The following GABPB2 variants were observed in gnomAD, a reference collection of about 807,000 sequenced individuals.
GABPB2 encodes the protein GA binding protein transcription factor subunit beta 2, also known as GA-binding protein subunit beta-2.
Under a neutral mutation model 39.1 loss-of-function variants are expected in GABPB2, and 23 were observed. The ratio of observed to expected loss-of-function variants is 0.59; its 90% confidence interval spans 0.42 to 0.83. GABPB2 has a LOEUF of 0.83. Ranked by LOEUF, GABPB2 falls within the 40% of genes least tolerant of loss-of-function variation. The probability of loss-of-function intolerance (pLI) is 0.00; values close to 1 mark genes in which losing one functional copy is unlikely to be tolerated. For synonymous variants in GABPB2, 184 were observed against 199.3 expected (o/e 0.92, Z 0.65); for missense variants, 467 against 541.1 (o/e 0.86, Z 1.36).
rs1216693231 is a variant in GABPB2, at chr1:151,124,455, T to C, written c.*6199T>C. 6 of 151,586 alleles carry C rather than the reference T, an allele frequency of 4.0e-5. No homozygotes were observed. The highest frequency in any genetic ancestry group is 3.4e-3 in the Middle Eastern group (1 of 294). 9.4% of individuals were successfully genotyped at this position (151,586 alleles called of 1,614,324 possible). A position where few individuals can be genotyped will look rare whatever the true frequency, so the allele number is the denominator to read the frequency against. ...AGCCACCACGCCCAGCCTCTTTTTT[T>C]TTTTTTTTTTCTCACCAGTATGATG... On this transcript the variant is annotated 3_prime_UTR_variant, in exon 9 of 9. Coordinates refer to ENST00000368918, the MANE Select transcript of GABPB2 (RefSeq NM_144618.3).
At chr1:151,091,421 TG>T (rs199650309) in intron 3 of GABPB2, among the ~76,000 whole-genome samples, 1,961 of 147,696 alleles carry the variant, frequency 0.013, 51 homozygotes, top group African/African-American at 0.047. Context: ...TTTTTTTTTT[TG>T]AGATGAACTC....
intron 4 of GABPB2, among the ~76,000 whole-genome samples, chr1:151,094,160 T>C (rs1678929216): frequency 6.7e-6 from 1 of 149,548 alleles, no homozygotes. Flanking sequence ...TGAGGGATTC[T>C]TCCACCTTAG....
chr1:151,124,898 C>G lies in GABPB2; in HGVS notation c.*6642C>G, dbSNP rs1408430060. ...GGGGGTGAGGTGACATTCCTAGACT[C>G]TACAGTAGCAGTTTGGCATGTTAGT... is the stretch of plus-strand genomic sequence containing the variant. On this transcript the variant is annotated 3_prime_UTR_variant, in exon 9 of 9. Transcript: ENST00000368918. 6.6e-6 allele frequency: 1 copy of G among 152,056 alleles called. No individual in the cohort carries two copies. Among genetic ancestry groups the G allele is most frequent in the Non-Finnish European group, 1.5e-5 (1 of 68,034 alleles). The allele number at this position is 152,056 out of a possible 1,614,324, so 9.4% of individuals were successfully genotyped here.
At chr1:151,104,269 T>A (rs1679763580) in intron 6 of GABPB2, among the ~76,000 whole-genome samples, 1 of 152,198 alleles carries the variant, frequency 6.6e-6, no homozygotes, top group Non-Finnish European at 1.5e-5. Flanking sequence ...TAAGGCTTCA[T>A]ATAGGCAGGG....
Position 151,107,063 on chromosome 1 carries a change from A to G in GABPB2, c.763A>G (p.Asn255Asp), listed in dbSNP as rs200969802. 1.0e-5 allele frequency: 16 copies of G among 1,606,532 alleles called. No individual in the cohort carries two copies. In the African/African-American group the frequency reaches 1.6e-4, roughly 16 times the overall value. Residue 255 changes from asparagine to aspartate, a missense_variant, in exon 7 of 9, where the codon AAT (asparagine) becomes GAT (aspartate). Coordinates refer to ENST00000368918, the MANE Select transcript of GABPB2 (RefSeq NM_144618.3). ...TANTEEIIEG[N>D]SVDSSIQQVM... ...CAATACAGAGGAAATTATAGAAGGAAATTCCGTTGACTCATCAATCCAGCA... is the reference window on the plus strand; with the variant it reads ...CAATACAGAGGAAATTATAGAAGGAGATTCCGTTGACTCATCAATCCAGCA...
At position 151,088,307 on chromosome 1, in the gene GABPB2, G is replaced by A. The variant is rs1272057884; in HGVS notation, c.108+10G>A. 1.4e-5 allele frequency: 23 copies of A among 1,597,534 alleles called. No homozygotes were observed. Among genetic ancestry groups the A allele is most frequent in the East Asian group, 6.7e-5 (3 of 44,716 alleles). On this transcript the variant is annotated intron_variant, in intron 2 of 8. Coordinates refer to ENST00000368918, the MANE Select transcript of GABPB2 (RefSeq NM_144618.3). ...ATTCACCACAGACTGGGTAAGCTTAGAGGAGAGGTCTCTTAATTATTTCCA... is the reference window on the plus strand; with the variant it reads ...ATTCACCACAGACTGGGTAAGCTTAAAGGAGAGGTCTCTTAATTATTTCCA...
intron 1 of GABPB2, among the ~76,000 whole-genome samples, chr1:151,079,212 TTAG>T (rs1677442104): frequency 6.6e-6 from 1 of 152,068 alleles, no homozygotes; most frequent in Admixed American, 6.6e-5. Context: ...TGGTTGTCAT[TTAG>T]TAGTATTGAT....
At chr1:151,082,037 G>A (rs1677750042) in intron 1 of GABPB2, among the ~76,000 whole-genome samples, 1 of 150,240 alleles carries the variant, frequency 6.7e-6, no homozygotes, top group South Asian at 2.1e-4. Flanking sequence ...AGTATTCTTT[G>A]ATACTGCACA....
intron 3 of GABPB2, among the ~76,000 whole-genome samples, chr1:151,092,656 CT>C (rs1452274390): frequency 6.6e-6 from 1 of 151,358 alleles, no homozygotes; most frequent in Non-Finnish European, 1.5e-5. Context: ...GTGGTGCAGC[CT>C]CCACCTCCCA....
intron 3 of GABPB2, 63 bp from the exon 4 acceptor site, chr1:151,093,129 T>C (rs1000287154): frequency 3.8e-5 from 48 of 1,255,412 alleles, no homozygotes; most frequent in Non-Finnish European, 5.1e-5. Flanking sequence ...TATTTGATGA[T>C]GGGATGTTGC....
chr1:151,082,975 CAAA>C (rs751689061), intron 1 of GABPB2, among the ~76,000 whole-genome samples: 6 of 116,768 alleles, frequency 5.1e-5, no homozygotes, highest in Non-Finnish European at 3.6e-5. Context: ...GACCCTGTCT[CAAA>C]AAAAAAAAAA....
chr1:151,102,236 G>A (rs925766220), intron 5 of GABPB2, among the ~76,000 whole-genome samples: 12 of 152,130 alleles, frequency 7.9e-5, no homozygotes, highest in African/African-American at 2.7e-4. Context: ...TAGGAGAAGC[G>A]CTTGAATCCG....
At chr1:151,093,425 TG>T in intron 4 of GABPB2, 39 bp downstream of exon 4, 1 of 1,470,366 alleles carries the variant, frequency 6.8e-7, no homozygotes. Flanking sequence ...GTATGTTAAT[TG>T]AAGTTAAGGA....
chr1:151,086,734 C>G (rs587687994), intron 1 of GABPB2, among the ~76,000 whole-genome samples: 30 of 152,028 alleles, frequency 2.0e-4, no homozygotes, highest in Non-Finnish European at 4.3e-4. Context: ...GTGGTGCAAT[C>G]TCAGCTCACT....
intron 7 of GABPB2, among the ~76,000 whole-genome samples, chr1:151,109,364 A>ATATATATTTTT (rs779537595): frequency 2.7e-5 from 3 of 112,366 alleles, no homozygotes; most frequent in Non-Finnish European, 5.2e-5. Flanking sequence ...ATATATATAT[A>ATATATATTTTT]TTTTTTTTTT....
intron 5 of GABPB2, among the ~76,000 whole-genome samples, chr1:151,098,394 C>G (rs1679266288): frequency 1.3e-5 from 2 of 151,482 alleles, no homozygotes; most frequent in African/African-American, 2.4e-5. Context: ...CCCAGCTACT[C>G]AGGAGGCTGA....
intron 7 of GABPB2, among the ~76,000 whole-genome samples, chr1:151,114,764 C>A (rs1189973405): frequency 2.6e-5 from 4 of 152,254 alleles, no homozygotes; most frequent in South Asian, 2.1e-4. Flanking sequence ...AATCCCAGCA[C>A]TTTGGGAGGC....
intron 1 of GABPB2, among the ~76,000 whole-genome samples, chr1:151,079,877 C>T (rs1211894251): frequency 2.6e-5 from 4 of 151,232 alleles, no homozygotes; most frequent in African/African-American, 7.3e-5. Context: ...GCCTGCGTAA[C>T]GAGCAAAACT....
chr1:151,090,831 A>C (rs1678615939), intron 3 of GABPB2, among the ~76,000 whole-genome samples: 1 of 151,530 alleles, frequency 6.6e-6, no homozygotes, highest in Non-Finnish European at 1.5e-5. Context: ...ATCGCTACTG[A>C]AAAAAAGCAA....
Sources: allele counts gnomAD v4.1 joint callset (sites outside exome capture counted in the v4.1 genomes callset), GRCh38; gene constraint gnomAD v4.1.1; transcripts MANE v1.5; gene names NCBI Gene and HGNC (gene_info 2026-07-23, HGNC 2026-07-21).